The following MAP3K15 variants were observed in gnomAD, a reference collection of about 807,000 sequenced individuals.
The protein encoded by MAP3K15 is mitogen-activated protein kinase kinase kinase 15.
In MAP3K15, 124 loss-of-function variants were observed where a neutral mutation model predicts 99.5. That is an observed-to-expected ratio of 1.25 (90% CI 1.08 to 1.45). The LOEUF is 1.45. MAP3K15 is among the 40% of genes most tolerant of loss of function. The pLI is 0.00. For missense variants in MAP3K15, 1,242 were observed against 1,079.7 expected (o/e 1.15, Z -2.11); for synonymous variants, 494 against 439.6 (o/e 1.12, Z -1.55).
At chrX:19,490,950 G>A (rs1284962708) in intron 1 of MAP3K15, among the ~76,000 whole-genome samples, 2 of 111,172 alleles carry the variant, frequency 1.8e-5, no homozygotes, top group Non-Finnish European at 3.8e-5. Context: ...TCCTTACCAT[G>A]TGCAGTGGAG....
rs138481765 is a variant in MAP3K15 at position 19,433,252 on chromosome X, C to T, written c.996-1644G>A. Reference sequence around the variant, plus strand: ...AAGGAAGACCAGAAAGCTAGTAAAACGTTATTTCTGGGTATGTCTATGAGG... The same window carrying T: ...AAGGAAGACCAGAAAGCTAGTAAAATGTTATTTCTGGGTATGTCTATGAGG... On this transcript the variant is annotated intron_variant, in intron 6 of 28. Coordinates refer to ENST00000338883, the MANE Select transcript of MAP3K15 (RefSeq NM_001001671.4). Among the ~76,000 whole-genome samples, 722 of 110,959 alleles carry T rather than the reference C, an allele frequency of 6.5e-3. 4 individuals carry two copies. Among genetic ancestry groups the T allele is most frequent in the Middle Eastern group, 0.018 (4 of 219 alleles).
In MAP3K15 at chrX:19,415,095, A is replaced by G. The variant is rs1158250363; in HGVS notation, c.1590+12T>C. The G allele has an allele frequency of 4.4e-6, 5 of 1,136,832 alleles. No individual in the cohort carries two copies. Among genetic ancestry groups the G allele is most frequent in the Non-Finnish European group, 5.8e-6 (5 of 864,440 alleles). 93.7% of individuals were successfully genotyped at this position (1,136,832 alleles called of 1,213,427 possible). ...CCTAATCTTAAAAAAAAATGGATTT[A>G]GCATATCTTACTGGAAATCTGAGTC... On this transcript the variant is annotated intron_variant, in intron 10 of 28. Coordinates refer to ENST00000338883, the MANE Select transcript of MAP3K15 (RefSeq NM_001001671.4).
chrX:19,376,161 G>A (rs2063415715), intron 19 of MAP3K15, among the ~76,000 whole-genome samples: 2 of 111,297 alleles, frequency 1.8e-5, no homozygotes, highest in African/African-American at 6.5e-5. Context: ...GGTCTCCTAG[G>A]GCCACTGTAA....
intron 9 of MAP3K15, among the ~76,000 whole-genome samples, chrX:19,420,669 C>T (rs796729248): frequency 9.0e-6 from 1 of 111,642 alleles, no homozygotes; most frequent in African/African-American, 3.3e-5. Context: ...GGGAATCCTC[C>T]CTAACTCATT....
At chrX:19,500,815 G>A (rs746579920) in intron 1 of MAP3K15, among the ~76,000 whole-genome samples, 2 of 112,033 alleles carry the variant, frequency 1.8e-5, no homozygotes, top group Admixed American at 9.5e-5. Flanking sequence ...CCAAAACTAC[G>A]TTTGGAAGTT....
intron 10 of MAP3K15, among the ~76,000 whole-genome samples, 151 bp from the exon 11 acceptor site, chrX:19,413,615 T>C (rs938538439): frequency 2.4e-4 from 20 of 84,116 alleles, no homozygotes; most frequent in Non-Finnish European, 3.9e-4. Flanking sequence ...CTTTGGGAGG[T>C]TGAGGTCGGA....
intron 9 of MAP3K15, among the ~76,000 whole-genome samples, chrX:19,415,625 G>C (rs1248504127): frequency 9.0e-6 from 1 of 111,226 alleles, no homozygotes; most frequent in East Asian, 2.8e-4. Flanking sequence ...ACTTATACAT[G>C]GATTTTTTTT....
At chrX:19,404,100 T>C (rs1156405060) in intron 13 of MAP3K15, among the ~76,000 whole-genome samples, 1 of 111,640 alleles carries the variant, frequency 9.0e-6, no homozygotes, top group East Asian at 2.8e-4. Context: ...TGACATGATA[T>C]TGCACATAGA....
chrX:19,419,876 T>C (rs2063768337), intron 9 of MAP3K15, among the ~76,000 whole-genome samples: 1 of 112,069 alleles, frequency 8.9e-6, no homozygotes, highest in African/African-American at 3.2e-5. Flanking sequence ...GTACTCATGA[T>C]TAAGAAACTC....
intron 5 of MAP3K15, among the ~76,000 whole-genome samples, chrX:19,459,758 G>A (rs1198453530): frequency 2.7e-5 from 3 of 112,245 alleles, no homozygotes; most frequent in South Asian, 3.7e-4. Flanking sequence ...GCTGAGGCAG[G>A]AGAACAGCTT....
chrX:19,360,816 C>G lies in MAP3K15; in HGVS notation c.3875G>C (p.Arg1292Thr), dbSNP rs1270522443. The G allele has an allele frequency of 8.3e-7, 1 of 1,205,530 alleles. No individual in the cohort carries two copies. Among genetic ancestry groups the G allele is most frequent in the Admixed American group, 2.2e-5 (1 of 44,724 alleles). Residue 1292 changes from arginine (R) to threonine (T), a missense_variant, in exon 29 of 29, where the codon AGA becomes ACA. Coordinates refer to ENST00000338883, the MANE Select transcript of MAP3K15 (RefSeq NM_001001671.4). ...GTACTGGGAGACCGCACTCCAGAGT[C>G]TGCAGAGGAGACCACCCCTGGGAAA... ...YLRLRGGLLC[R>T]LWSAVSQYRR...
Position 19,515,191 on chromosome X carries a change from G to A in MAP3K15, c.71C>T (p.Pro24Leu), listed in dbSNP as rs1448815279. 4.7e-6 allele frequency: 4 copies of A among 857,989 alleles called. No homozygotes were observed. Among genetic ancestry groups the A allele is most frequent in the East Asian group, 5.9e-5 (1 of 17,035 alleles). The allele number at this position is 857,989 out of a possible 1,213,427, so 70.7% of individuals were successfully genotyped here. Residue 24 changes from proline (P) to leucine (L), a missense_variant, in exon 1 of 29, where the codon CCG (proline) becomes CTG (leucine). Transcript: ENST00000338883. ...GGCCGCGCCCTCCACCCCCGGCGGC[G>A]GCGGGCACTGAGGGGACTCGCTCGC... ...GAASESPQCPPPPGVEGAAGP... is the reference protein window; with the variant it reads ...GAASESPQCPLPPGVEGAAGP...
intron 6 of MAP3K15, among the ~76,000 whole-genome samples, chrX:19,433,953 T>A (rs762279887): frequency 3.1e-4 from 35 of 111,495 alleles, no homozygotes; most frequent in South Asian, 1.5e-3. Flanking sequence ...GTAATCATTA[T>A]AAAGGGACAG....
chrX:19,476,862 T>G (rs2064246498), intron 3 of MAP3K15, among the ~76,000 whole-genome samples: 1 of 111,456 alleles, frequency 9.0e-6, no homozygotes, highest in African/African-American at 3.3e-5. Context: ...CTGGCACAAA[T>G]CTCAAAAGTC....
intron 3 of MAP3K15, among the ~76,000 whole-genome samples, chrX:19,477,728 AAAG>A (rs1357770002): frequency 9.9e-5 from 7 of 70,770 alleles, no homozygotes; most frequent in Admixed American, 1.8e-4. Context: ...AAAAAGAAGA[AAAG>A]AAGGGGAAAA....
chrX:19,438,843 T>C (rs754046284), intron 6 of MAP3K15, among the ~76,000 whole-genome samples: 104 of 112,032 alleles, frequency 9.3e-4, no homozygotes, highest in Non-Finnish European at 1.6e-3. Flanking sequence ...CCAATTAAGA[T>C]GTAGAAGAAT....
At chrX:19,476,371 CAGA>C (rs1477649646) in intron 3 of MAP3K15, among the ~76,000 whole-genome samples, 2 of 111,891 alleles carry the variant, frequency 1.8e-5, no homozygotes, top group African/African-American at 3.2e-5. Flanking sequence ...TGAAAAAACA[CAGA>C]AGATTGTTCC....
intron 13 of MAP3K15, among the ~76,000 whole-genome samples, chrX:19,404,796 A>G (rs1003615056): frequency 8.9e-6 from 1 of 112,184 alleles, no homozygotes; most frequent in African/African-American, 3.2e-5. Flanking sequence ...AAATGGTGCT[A>G]GGACAACCAC....
intron 3 of MAP3K15, among the ~76,000 whole-genome samples, chrX:19,473,686 C>T (rs775264844): frequency 4.5e-5 from 5 of 111,719 alleles, no homozygotes; most frequent in Admixed American, 9.5e-5. Flanking sequence ...TCTCTGACAG[C>T]GTGGGGATAG....
Sources: gnomAD v4.1 joint callset for allele counts (sites outside exome capture counted in the v4.1 genomes callset) on GRCh38, gnomAD v4.1.1 for gene constraint, MANE v1.5 for transcripts, NCBI Gene and HGNC (gene_info 2026-07-23, HGNC 2026-07-21) for gene names.